AADAT: variants seen among roughly 807,000 people sequenced by gnomAD.
The protein encoded by AADAT is aminoadipate aminotransferase, also known as kynurenine/alpha-aminoadipate aminotransferase, mitochondrial.
AADAT carries 25 observed loss-of-function variants against 56.2 expected under a neutral mutation model. That is an observed-to-expected ratio of 0.44 (90% CI 0.32 to 0.62). AADAT has a LOEUF of 0.62. AADAT is among the 20% of genes least tolerant of loss of function. AADAT has a pLI of 0.04. For missense variants in AADAT, 387 were observed against 510.5 expected, an observed-to-expected ratio of 0.76 and a Z score of 2.33; for synonymous variants, 173 against 164.7, an observed-to-expected ratio of 1.05 and a Z score of -0.39.
At chr4:170,074,545 C>G (rs1229978401) in intron 4 of AADAT, among the ~76,000 whole-genome samples, 1 of 152,022 alleles carries the variant, frequency 6.6e-6, no homozygotes, top group Non-Finnish European at 1.5e-5. Context: ...ATAAAACAGT[C>G]ACAAGCAGAG....
At position 170,067,332 on chromosome 4, in the gene AADAT, T is replaced by C. The variant is rs1340199110; in HGVS notation, c.957A>G (p.Val319=). ...TTAAAGAAATGATACAATACCTGTC[T>C]ACATGAGCCATGAAACCTTCTTCTC... is the stretch of plus-strand genomic sequence containing the variant. ...EWGEEGFMAH[V]DRVIDFYSNQ... is the part of the protein sequence containing the mutation. Residue 319 remains valine, a synonymous_variant, in exon 9 of 13, where the codon GTA becomes GTG. Coordinates refer to ENST00000337664, the MANE Select transcript of AADAT (RefSeq NM_016228.4). The C allele has an allele frequency of 6.2e-7, 1 of 1,612,564 alleles. No homozygotes were observed. The highest frequency in any genetic ancestry group is 1.7e-5 in the Admixed American group (1 of 59,960).
In AADAT at chr4:170,064,731, G is replaced by A. The variant is rs779364866; in HGVS notation, c.1122C>T (p.Ala374=). The A allele has an allele frequency of 1.2e-5, 20 of 1,604,496 alleles. No individual in the cohort carries two copies. Among genetic ancestry groups the A allele is most frequent in the Admixed American group, 1.7e-5 (1 of 57,186 alleles). ...NDVKELIEEK[A]VKMGVLMLPG... is the part of the protein sequence containing the mutation. ...CTCCCAGTTTTACCCCCATCTTAAC[G>A]GCCTTTTCTTCAATCAGTTCTTTTA... is the stretch of plus-strand genomic sequence containing the variant. The change falls in exon 11 of 13, where the codon GCC becomes GCT. Residue 374 remains alanine, a synonymous_variant. Transcript: ENST00000337664.
At chr4:170,077,263 T>A (rs1325649485) in intron 4 of AADAT, among the ~76,000 whole-genome samples, 1 of 152,210 alleles carries the variant, frequency 6.6e-6, no homozygotes, top group Non-Finnish European at 1.5e-5. Flanking sequence ...TTGTATTGAA[T>A]CTGTAAATTG....
At chr4:170,071,085 G>C (rs898170657) in intron 5 of AADAT, among the ~76,000 whole-genome samples, 6 of 152,108 alleles carry the variant, frequency 3.9e-5, no homozygotes, top group Admixed American at 6.6e-5. Context: ...GCTAATTTTT[G>C]TATTTTTGGT....
At chr4:170,082,063 C>T (rs1732345458) in intron 3 of AADAT, among the ~76,000 whole-genome samples, 1 of 152,102 alleles carries the variant, frequency 6.6e-6, no homozygotes, top group African/African-American at 2.4e-5. Context: ...CAAAAGAAAA[C>T]TTTTCAAGGT....
rs1197965089 is a variant in AADAT, at chr4:170,088,407, A to G, written c.225T>C (p.Ser75=). The G allele has an allele frequency of 2.7e-5, 43 of 1,595,240 alleles. No individual in the cohort carries two copies. The highest frequency in any genetic ancestry group is 3.6e-5 in the Non-Finnish European group (42 of 1,165,120). ...EEMMKRALQY[S]PSAGIPELLS... is the part of the protein sequence containing the mutation. ...GTATTGATACTTACCCAGCACTCGG[A>G]GAATACTGAAGTGCTCTCTTCATCA... The change falls in exon 2 of 13, where the codon TCT becomes TCC. Residue 75 remains serine, a synonymous_variant. Coordinates refer to ENST00000337664, the MANE Select transcript of AADAT (RefSeq NM_016228.4).
chr4:170,084,955 G>A (rs1278077539), intron 3 of AADAT, among the ~76,000 whole-genome samples: 1 of 152,112 alleles, frequency 6.6e-6, no homozygotes. Flanking sequence ...TCTGCCTCCC[G>A]TGAGACAGCA....
chr4:170,089,896 G>A lies in AADAT; in HGVS notation c.-206C>T, dbSNP rs976447417. On this transcript the variant is annotated 5_prime_UTR_variant, in exon 1 of 13. Coordinates refer to ENST00000337664, the MANE Select transcript of AADAT (RefSeq NM_016228.4). ...GCTGGACGCTGCGTTCGGTCTCCCG[G>A]TCCTAAACGGGTCTGGGGCTGTGTG... 1 of 590,046 alleles carries A rather than the reference G, an allele frequency of 1.7e-6. No individual in the cohort carries two copies. Among genetic ancestry groups the A allele is most frequent in the Non-Finnish European group, 3.0e-6 (1 of 331,108 alleles). The allele number at this position is 590,046 out of a possible 1,614,324, so 36.6% of individuals were successfully genotyped here. A position where few individuals can be genotyped will look rare whatever the true frequency, so the allele number is the denominator to read the frequency against.
chr4:170,090,939 C>T (rs575324383), upstream of AADAT, among the ~76,000 whole-genome samples: 1 of 152,300 alleles, frequency 6.6e-6, no homozygotes, highest in Admixed American at 6.5e-5. Context: ...TTAAGTTTAC[C>T]TAATAGGTTG....
chr4:170,091,945 A>C (rs1732859239), upstream of AADAT, among the ~76,000 whole-genome samples: 2 of 152,190 alleles, frequency 1.3e-5, no homozygotes, highest in South Asian at 4.1e-4. Context: ...CAGGGTTTGT[A>C]AATACACCAA....
chr4:170,079,735 C>A (rs1033188725), intron 3 of AADAT, among the ~76,000 whole-genome samples: 1 of 152,150 alleles, frequency 6.6e-6, no homozygotes, highest in Non-Finnish European at 1.5e-5. Flanking sequence ...GTGCCATTCA[C>A]TGAAACACAT....
intron 11 of AADAT, among the ~76,000 whole-genome samples, chr4:170,062,996 G>A (rs1471263869): frequency 6.6e-6 from 1 of 152,186 alleles, no homozygotes; most frequent in Non-Finnish European, 1.5e-5. Context: ...CTTCTGTGGT[G>A]GTTAGGGTTG....
At chr4:170,064,672 G>A in intron 11 of AADAT, 47 bp downstream of exon 11, 1 of 1,445,358 alleles carries the variant, frequency 6.9e-7, no homozygotes, top group Non-Finnish European at 9.4e-7. Flanking sequence ...TAAAGAAAAA[G>A]TATAACTTTT....
rs954623779 is a variant in AADAT, at chr4:170,089,611, C to T, written c.67+13G>A. The T allele has an allele frequency of 1.9e-6, 3 of 1,613,988 alleles. No individual in the cohort carries two copies. Among genetic ancestry groups the T allele is most frequent in the African/African-American group, 2.7e-5 (2 of 74,922 alleles). ...CCCCACCCCAAAGGAGAGATGGTCA[C>T]CCCGTTTCTCACTCATGGTCCGGAT... On this transcript the variant is annotated intron_variant, in intron 1 of 12. Coordinates refer to ENST00000337664, the MANE Select transcript of AADAT (RefSeq NM_016228.4).
chr4:170,073,004 T>C (rs1314008147), intron 5 of AADAT, 132 bp downstream of exon 5: 2 of 786,532 alleles, frequency 2.5e-6, no homozygotes, highest in African/African-American at 1.8e-5. Context: ...TGAGCATATA[T>C]GATTTCCTTT....
intron 3 of AADAT, among the ~76,000 whole-genome samples, chr4:170,086,801 G>T (rs954544915): frequency 7.9e-5 from 12 of 152,094 alleles, no homozygotes; most frequent in Non-Finnish European, 1.3e-4. Context: ...GTTAAGAGCA[G>T]GTAATTTTTC....
upstream of AADAT, among the ~76,000 whole-genome samples, chr4:170,093,350 A>G (rs946273187): frequency 1.3e-5 from 2 of 152,036 alleles, no homozygotes; most frequent in South Asian, 2.1e-4. Flanking sequence ...GCATTTTTCG[A>G]ACCCGGGAGG....
At chr4:170,080,071 G>A (rs1345231014) in intron 3 of AADAT, among the ~76,000 whole-genome samples, 1 of 152,158 alleles carries the variant, frequency 6.6e-6, no homozygotes, top group African/African-American at 2.4e-5. Flanking sequence ...GAGGAGGACA[G>A]TGTTTTCAAA....
chr4:170,069,023 T>C, intron 7 of AADAT, 125 bp downstream of exon 7: 1 of 734,916 alleles, frequency 1.4e-6, no homozygotes, highest in Non-Finnish European at 2.2e-6. Flanking sequence ...ATCATGAAAC[T>C]GGTATTTTAA....
Sources: gnomAD v4.1 joint callset for allele counts (sites outside exome capture counted in the v4.1 genomes callset) on GRCh38, gnomAD v4.1.1 for gene constraint, MANE v1.5 for transcripts, NCBI Gene and HGNC (gene_info 2026-07-23, HGNC 2026-07-21) for gene names.